Variants in SLC44A5 observed in about 807,000 individuals in gnomAD.
The protein encoded by SLC44A5 is choline transporter-like protein 5.
SLC44A5 carries 57 observed loss-of-function variants against 101.8 expected under a neutral mutation model. The observed-to-expected ratio is 0.56, with a 90% CI of 0.45 to 0.70. The LOEUF is 0.70. Among genes scored for constraint, SLC44A5 ranks in the 30% least tolerant of loss-of-function variants. SLC44A5 has a pLI of 0.00. For missense variants in SLC44A5, 737 were observed against 853.1 expected (o/e 0.86, Z 1.70); for synonymous variants, 281 against 290.9 (o/e 0.97, Z 0.35).
At chr1:75,673,913 T>C in the SLC44A5 span, among the ~76,000 whole-genome samples, 11 of 151,942 alleles carry the variant, frequency 7.2e-5, no homozygotes, top group Non-Finnish European at 1.5e-4. Context: ...AACACTTAAG[T>C]CCCTTTGAAT....
chr1:75,664,576 A>ATAAAT, the SLC44A5 span, among the ~76,000 whole-genome samples: 2 of 152,178 alleles, frequency 1.3e-5, no homozygotes, highest in Non-Finnish European at 2.9e-5. Flanking sequence ...ATAAAATAAA[A>ATAAAT]TAAAATATCT....
chr1:75,659,443 GGGAAGGAA>G, the SLC44A5 span, among the ~76,000 whole-genome samples: 1,579 of 61,074 alleles, frequency 0.026, 40 homozygotes, highest in Non-Finnish European at 0.037. Flanking sequence ...GAGGGAGGGA[GGGAAGGAA>G]GGAAGGAAGG....
intron 2 of SLC44A5, among the ~76,000 whole-genome samples, chr1:75,451,768 C>T (rs576689370): frequency 6.6e-6 from 1 of 151,978 alleles, no homozygotes; most frequent in Non-Finnish European, 1.5e-5. Flanking sequence ...AACTTGAAGA[C>T]TGATCTTTCT....
At chr1:75,533,301 C>T (rs1670822816) in intron 2 of SLC44A5, among the ~76,000 whole-genome samples, 1 of 152,142 alleles carries the variant, frequency 6.6e-6, no homozygotes, top group African/African-American at 2.4e-5. Context: ...GTCATTCATG[C>T]AATAAATATT....
At chr1:75,649,148 T>C in the SLC44A5 span, among the ~76,000 whole-genome samples, 2 of 152,188 alleles carry the variant, frequency 1.3e-5, no homozygotes, top group Non-Finnish European at 2.9e-5. Flanking sequence ...AATTGACTGT[T>C]GATTAACGAC....
At chr1:75,719,466 G>A in the SLC44A5 span, among the ~76,000 whole-genome samples, 3 of 151,670 alleles carry the variant, frequency 2.0e-5, no homozygotes, top group Non-Finnish European at 4.4e-5. Flanking sequence ...TAAGAAAACT[G>A]GAGAAAAAAA....
intron 2 of SLC44A5, among the ~76,000 whole-genome samples, chr1:75,489,053 G>T (rs1389132176): frequency 6.6e-6 from 1 of 152,000 alleles, no homozygotes; most frequent in Non-Finnish European, 1.5e-5. Context: ...TCTCCATGTT[G>T]GTCAGGCTCG....
intron 1 of SLC44A5, among the ~76,000 whole-genome samples, chr1:75,587,082 G>T (rs745675678): frequency 6.6e-6 from 1 of 151,700 alleles, no homozygotes; most frequent in Non-Finnish European, 1.5e-5. Flanking sequence ...AACTGAAGAG[G>T]GTCCTAAAAA....
rs573043745 is a variant in SLC44A5 at position 75,274,590 on chromosome 1, T to A, written c.260+368A>T. Reference sequence around the variant, plus strand: ...GTAGACACTGTGACAAAAATAATCTTAACAATTGGACTGTCTAGCTTTGTA... The same window carrying A: ...GTAGACACTGTGACAAAAATAATCTAAACAATTGGACTGTCTAGCTTTGTA... On this transcript the variant is annotated intron_variant, in intron 6 of 23. Transcript: ENST00000370859. Among the ~76,000 whole-genome samples, 11 of 152,276 alleles carry A rather than the reference T, an allele frequency of 7.2e-5. No homozygotes were observed. In the South Asian group the frequency reaches 2.3e-3, roughly 32 times the overall value.
At chr1:75,712,785 T>C in the SLC44A5 span, among the ~76,000 whole-genome samples, 1 of 151,318 alleles carries the variant, frequency 6.6e-6, no homozygotes, top group Non-Finnish European at 1.5e-5. Context: ...ATAATTACAA[T>C]TCAATCATCT....
intron 23 of SLC44A5, among the ~76,000 whole-genome samples, chr1:75,208,248 T>C (rs1006694870): frequency 6.6e-6 from 1 of 152,184 alleles, no homozygotes; most frequent in Non-Finnish European, 1.5e-5. Flanking sequence ...AGCCTCTGCC[T>C]CTCAGTTTCA....
At chr1:75,623,267 G>C in the SLC44A5 span, among the ~76,000 whole-genome samples, 6 of 152,170 alleles carry the variant, frequency 3.9e-5, no homozygotes, top group East Asian at 9.7e-4. Flanking sequence ...GCATAATTTA[G>C]ATTGAGAGTG....
intron 2 of SLC44A5, among the ~76,000 whole-genome samples, chr1:75,527,394 G>C (rs895318983): frequency 6.8e-6 from 1 of 147,066 alleles, no homozygotes; most frequent in Non-Finnish European, 1.5e-5. Flanking sequence ...CCTCCTGTAT[G>C]GGTCAGATGT....
chr1:75,415,758 G>A (rs375650029), intron 2 of SLC44A5, among the ~76,000 whole-genome samples: 29 of 152,278 alleles, frequency 1.9e-4, no homozygotes, highest in African/African-American at 6.7e-4. Context: ...TGAGGAACTT[G>A]TTGGGAACTA....
chr1:75,263,254 A>G (rs932895095), intron 6 of SLC44A5, among the ~76,000 whole-genome samples: 9 of 152,350 alleles, frequency 5.9e-5, no homozygotes, highest in African/African-American at 2.2e-4. Flanking sequence ...TAATATCCAG[A>G]ATCTACAAAT....
At chr1:75,337,327 A>G (rs1657524338) in intron 4 of SLC44A5, among the ~76,000 whole-genome samples, 1 of 152,222 alleles carries the variant, frequency 6.6e-6, no homozygotes, top group African/African-American at 2.4e-5. Context: ...GGCTTCCTAC[A>G]AGGCAGTACA....
chr1:75,543,888 G>A (rs1322119357), intron 1 of SLC44A5, among the ~76,000 whole-genome samples: 3 of 151,930 alleles, frequency 2.0e-5, no homozygotes, highest in African/African-American at 7.3e-5. Flanking sequence ...TTTTGGCAAT[G>A]TCAAATGCTT....
Position 75,228,883 on chromosome 1 carries a change from T to G in SLC44A5, c.854-1026A>C, listed in dbSNP as rs537222324. ...TACATTTTAAATAAATTAGTTAGCA[T>G]GTAGGTAAAGCTAAACAAATTTTGC... is the stretch of plus-strand genomic sequence containing the variant. On this transcript the variant is annotated intron_variant, in intron 12 of 23. Transcript: ENST00000370859. 3.2e-4 allele frequency among the ~76,000 whole-genome samples: 48 copies of G among 151,910 alleles called. 1 individual carries two copies. The South Asian group carries it at 9.4e-3, about 30-fold the overall frequency.
intron 2 of SLC44A5, among the ~76,000 whole-genome samples, chr1:75,505,657 A>C (rs2101853271): frequency 6.6e-6 from 1 of 152,234 alleles, no homozygotes; most frequent in Non-Finnish European, 1.5e-5. Flanking sequence ...TCTTCTTTTC[A>C]GAAGTGTCTG....
Sources: gnomAD v4.1 joint callset for allele counts (sites outside exome capture counted in the v4.1 genomes callset) on GRCh38, gnomAD v4.1.1 for gene constraint, MANE v1.5 for transcripts, NCBI Gene and HGNC (gene_info 2026-07-23, HGNC 2026-07-21) for gene names.